Variants in COX7B2 observed in about 807,000 individuals in gnomAD.
COX7B2 encodes the protein cytochrome c oxidase subunit 7B2.
For synonymous variants in COX7B2, 37 were observed against 32.1 expected (o/e 1.15, Z -0.51); for missense variants, 109 against 95.9 (o/e 1.14, Z -0.57).
intron 1 of COX7B2, among the ~76,000 whole-genome samples, chr4:46,898,288 A>T (rs1375335269): frequency 6.6e-6 from 1 of 152,138 alleles, no homozygotes; most frequent in South Asian, 2.1e-4. Flanking sequence ...GTCTACAAGA[A>T]CTTTGGACTC....
At chr4:46,757,553 T>C (rs575282878) in intron 2 of COX7B2, among the ~76,000 whole-genome samples, 1 of 152,216 alleles carries the variant, frequency 6.6e-6, no homozygotes, top group East Asian at 1.9e-4. Context: ...TCTTTACCAA[T>C]TTGTCTTACT....
chr4:46,792,368 G>T (rs182574295), intron 2 of COX7B2, among the ~76,000 whole-genome samples: 160 of 152,230 alleles, frequency 1.1e-3, no homozygotes, highest in African/African-American at 3.8e-3. Context: ...TTTCTGGAAG[G>T]GATTACACTA....
intron 2 of COX7B2, among the ~76,000 whole-genome samples, chr4:46,737,074 G>C (rs114045902): frequency 0.011 from 1,714 of 152,236 alleles, 20 homozygotes; most frequent in Middle Eastern, 0.037. Flanking sequence ...CACCAGCACT[G>C]AATGAGAGTT....
chr4:46,748,253 C>G (rs1715141362), intron 2 of COX7B2, among the ~76,000 whole-genome samples: 1 of 152,110 alleles, frequency 6.6e-6, no homozygotes, highest in Non-Finnish European at 1.5e-5. Flanking sequence ...TCTTAAAAGC[C>G]TACAAATTAT....
intron 2 of COX7B2, among the ~76,000 whole-genome samples, chr4:46,842,571 T>G (rs1212651392): frequency 1.3e-5 from 2 of 151,228 alleles, no homozygotes; most frequent in African/African-American, 2.4e-5. Flanking sequence ...CCCACAACAG[T>G]CCCCGGTGTG....
intron 2 of COX7B2, among the ~76,000 whole-genome samples, chr4:46,803,666 T>C (rs1295777135): frequency 1.3e-5 from 2 of 152,070 alleles, no homozygotes; most frequent in Admixed American, 6.5e-5. Flanking sequence ...TTTCTCTTCA[T>C]GTTTCCAGTG....
At chr4:46,860,700 C>T (rs1221886052) in intron 1 of COX7B2, among the ~76,000 whole-genome samples, 2 of 152,090 alleles carry the variant, frequency 1.3e-5, no homozygotes, top group African/African-American at 4.8e-5. Context: ...ACTCTAATGC[C>T]ATTTTATTTT....
chr4:46,769,096 A>T (rs1054997538), intron 2 of COX7B2, among the ~76,000 whole-genome samples: 2 of 152,092 alleles, frequency 1.3e-5, no homozygotes, highest in Admixed American at 6.5e-5. Context: ...AAATTCTAAC[A>T]AACATTTAAA....
At chr4:46,794,943 C>A (rs911764829) in intron 2 of COX7B2, among the ~76,000 whole-genome samples, 1 of 152,164 alleles carries the variant, frequency 6.6e-6, no homozygotes, top group East Asian at 1.9e-4. Flanking sequence ...TCAGTGAATT[C>A]CCAGATTACA....
chr4:46,833,279 C>G (rs1715284558), intron 2 of COX7B2, among the ~76,000 whole-genome samples: 1 of 152,184 alleles, frequency 6.6e-6, no homozygotes, highest in Non-Finnish European at 1.5e-5. Context: ...AGAACTAACA[C>G]AGTATGTCCT....
intron 2 of COX7B2, among the ~76,000 whole-genome samples, chr4:46,837,843 T>A (rs1037773435): frequency 2.0e-5 from 3 of 151,970 alleles, no homozygotes; most frequent in Non-Finnish European, 4.4e-5. Context: ...AAGCTCAGGA[T>A]AAGGTATGGG....
chr4:46,738,117 G>A (rs927827498), intron 2 of COX7B2, among the ~76,000 whole-genome samples: 1 of 152,140 alleles, frequency 6.6e-6, no homozygotes, highest in Non-Finnish European at 1.5e-5. Context: ...AAAAGGACCT[G>A]TGCCACACAT....
intron 1 of COX7B2, among the ~76,000 whole-genome samples, chr4:46,853,600 T>C (rs2109784505): frequency 6.6e-6 from 1 of 152,196 alleles, no homozygotes; most frequent in Non-Finnish European, 1.5e-5. Context: ...TTTTAGTTAG[T>C]TGTTCTCTAT....
chr4:46,761,264 G>A (rs1716129109), intron 2 of COX7B2, among the ~76,000 whole-genome samples: 1 of 152,142 alleles, frequency 6.6e-6, no homozygotes, highest in Non-Finnish European at 1.5e-5. Context: ...CAACCTACTT[G>A]TCAGCAGAAC....
chr4:46,810,694 T>C (rs1485934908), intron 2 of COX7B2, among the ~76,000 whole-genome samples: 2 of 152,106 alleles, frequency 1.3e-5, no homozygotes, highest in African/African-American at 4.8e-5. Context: ...CATTAAAGTA[T>C]TGGAACACTC....
intron 2 of COX7B2, among the ~76,000 whole-genome samples, chr4:46,742,564 G>A (rs1346984867): frequency 1.3e-5 from 2 of 152,094 alleles, no homozygotes; most frequent in African/African-American, 2.4e-5. Flanking sequence ...TATTTTATAT[G>A]TAATGGCATC....
At chr4:46,848,562 C>G (rs898129789) in intron 1 of COX7B2, among the ~76,000 whole-genome samples, 4 of 151,940 alleles carry the variant, frequency 2.6e-5, no homozygotes, top group African/African-American at 7.3e-5. Flanking sequence ...TACTATTTTC[C>G]CATAACTCTT....
At chr4:46,861,047 A>G (rs10018906) in intron 1 of COX7B2, among the ~76,000 whole-genome samples, 58,843 of 152,044 alleles carry the variant, frequency 0.39, 11,505 homozygotes, top group South Asian at 0.49. Flanking sequence ...GCATTGGCAT[A>G]TCCTTCTAAG....
intron 2 of COX7B2, among the ~76,000 whole-genome samples, chr4:46,839,195 C>T (rs1023101283): frequency 1.3e-5 from 2 of 151,842 alleles, no homozygotes; most frequent in Non-Finnish European, 2.9e-5. Flanking sequence ...GTTCCCTAGC[C>T]CTCCCTCATT....
Sources: allele counts gnomAD v4.1 joint callset (sites outside exome capture counted in the v4.1 genomes callset), GRCh38; gene constraint gnomAD v4.1.1; transcripts MANE v1.5; gene names NCBI Gene and HGNC (gene_info 2026-07-23, HGNC 2026-07-21).